Variants in KL observed in about 807,000 individuals in gnomAD.
KL encodes klotho, also known as alpha-klotho.
A neutral mutation model predicts 84.2 loss-of-function variants in KL; 62 were observed. The ratio of observed to expected loss-of-function variants is 0.74; its 90% CI spans 0.60 to 0.91. The LOEUF is 0.91. KL is among the 40% of genes least tolerant of loss of function. The pLI, the probability that KL is intolerant of heterozygous loss-of-function variation, is 0.00. For synonymous variants in KL, 528 were observed against 528.0 expected (o/e 1.00, Z 0.00); for missense variants, 1,261 against 1,305.7 (o/e 0.97, Z 0.53).
In KL at chr13:33,064,708, C is replaced by T. The variant is rs1199286439; in HGVS notation, c.*522C>T. On this transcript the variant is annotated 3_prime_UTR_variant, in exon 5 of 5. Transcript: ENST00000380099. ...GATACAGGAGAGACGACAGAGGGTCCTAGGCTGGAATGTTCCTTTCGAAAG... is the reference window on the plus strand; with the variant it reads ...GATACAGGAGAGACGACAGAGGGTCTTAGGCTGGAATGTTCCTTTCGAAAG... 8.8e-6 allele frequency: 2 copies of T among 227,750 alleles called. No homozygotes were observed. The highest frequency in any genetic ancestry group is 1.7e-5 in the Non-Finnish European group (2 of 114,932). 14.1% of individuals were successfully genotyped at this position (227,750 alleles called of 1,614,324 possible). A position where few individuals can be genotyped will look rare whatever the true frequency, so the allele number is the denominator to read the frequency against.
rs746580672 is a variant in KL at position 33,053,850 on chromosome 13, C to T, written c.903C>T (p.His301=). Residue 301 remains histidine, a synonymous_variant, in exon 2 of 5, where the codon CAC becomes CAT. Transcript: ENST00000380099. ...GGQVSIALSS[H]WINPRRMTDH... ...AGGTGTCCATTGCCCTAAGCTCTCA[C>T]TGGATCAATCCTCGAAGAATGACCG... 6.2e-7 allele frequency: 1 copy of T among 1,614,176 alleles called. No homozygotes were observed. Among genetic ancestry groups the T allele is most frequent in the East Asian group, 2.2e-5 (1 of 44,884 alleles).
Position 33,064,718 on chromosome 13 carries a change from A to G in KL, c.*532A>G, listed in dbSNP as rs1255007507. 4.4e-6 allele frequency: 1 copy of G among 225,320 alleles called. No individual in the cohort carries two copies. Among genetic ancestry groups the G allele is most frequent in the Non-Finnish European group, 8.8e-6 (1 of 113,198 alleles). The allele number at this position is 225,320 out of a possible 1,614,324, so 14.0% of individuals were successfully genotyped here. ...AGACGACAGAGGGTCCTAGGCTGGA[A>G]TGTTCCTTTCGAAAGCAATGCTTCT... On this transcript the variant is annotated 3_prime_UTR_variant, in exon 5 of 5. Coordinates refer to ENST00000380099, the MANE Select transcript of KL (RefSeq NM_004795.4).
chr13:33,050,354 A>G (rs1394882497), intron 1 of KL, among the ~76,000 whole-genome samples: 3 of 152,216 alleles, frequency 2.0e-5, no homozygotes, highest in African/African-American at 7.2e-5. Context: ...TTGTTGCAAC[A>G]TCCTAAATAG....
chr13:33,025,099 G>C (rs981968768), intron 1 of KL, among the ~76,000 whole-genome samples: 17 of 152,190 alleles, frequency 1.1e-4, no homozygotes, highest in African/African-American at 4.1e-4. Flanking sequence ...TCACAGATTA[G>C]TAGGGGAGAG....
In KL at chr13:33,017,060, G is replaced by C; in HGVS notation, c.620G>C (p.Trp207Ser). The change falls in exon 1 of 5, where the codon TGG becomes TCG. Residue 207 changes from tryptophan (W) to serine (S), a missense_variant. Transcript: ENST00000380099. ...CGCCTGCAGGACGCCTACGGCGGCT[G>C]GGCCAACCGCGCCCTGGCCGACCAC... is the stretch of plus-strand genomic sequence containing the variant. ...PQRLQDAYGG[W>S]ANRALADHFR... The C allele has an allele frequency of 6.2e-7, 1 of 1,601,614 alleles. No homozygotes were observed. The highest frequency in any genetic ancestry group is 8.5e-7 in the Non-Finnish European group (1 of 1,178,166).
intron 4 of KL, among the ~76,000 whole-genome samples, chr13:33,063,314 G>C (rs2138246554): frequency 6.6e-6 from 1 of 151,442 alleles, no homozygotes; most frequent in East Asian, 2.0e-4. Context: ...AGGACAGGCA[G>C]ACCTGATCCA....
chr13:33,060,145 G>A (rs536975), intron 3 of KL, among the ~76,000 whole-genome samples: 149,726 of 152,168 alleles, frequency 0.98, 73,708 homozygotes, highest in South Asian at 1. Context: ...GGGTTTGGAC[G>A]TGTTGCCCCA....
intron 4 of KL, 57 bp from the exon 5 acceptor site, chr13:33,063,792 T>C (rs1048718821): frequency 6.8e-6 from 9 of 1,314,378 alleles, no homozygotes; most frequent in South Asian, 2.6e-5. Flanking sequence ...AAAAAAAAAG[T>C]GATGTGTTGT....
Position 33,064,683 on chromosome 13 carries a change from G to A in KL, c.*497G>A, listed in dbSNP as rs1402106131. On this transcript the variant is annotated 3_prime_UTR_variant, in exon 5 of 5. Transcript: ENST00000380099. Reference sequence around the variant, plus strand: ...GTTTCCTATGGAAAAGAAGATGGCAGATACAGGAGAGACGACAGAGGGTCC... The same window carrying A: ...GTTTCCTATGGAAAAGAAGATGGCAAATACAGGAGAGACGACAGAGGGTCC... 1 of 233,530 alleles carries A rather than the reference G, an allele frequency of 4.3e-6. No individual in the cohort carries two copies. Among genetic ancestry groups the A allele is most frequent in the African/African-American group, 2.2e-5 (1 of 44,984 alleles). The allele number at this position is 233,530 out of a possible 1,614,324, so 14.5% of individuals were successfully genotyped here.
chr13:33,028,074 T>C (rs937694399), intron 1 of KL, among the ~76,000 whole-genome samples: 5 of 152,214 alleles, frequency 3.3e-5, no homozygotes, highest in Non-Finnish European at 7.3e-5. Flanking sequence ...GGGGACGCCT[T>C]GAGCCAATGT....
chr13:33,044,722 C>T lies in KL; in HGVS notation c.820-9045C>T, dbSNP rs1170339963. On this transcript the variant is annotated intron_variant, in intron 1 of 4. Transcript: ENST00000380099. Reference sequence around the variant, plus strand: ...CTGGAGTGCAGTGGCGTGATCAGCACTCACTGCAGACTTGAACTCCTGGGC... The same window carrying T: ...CTGGAGTGCAGTGGCGTGATCAGCATTCACTGCAGACTTGAACTCCTGGGC... Among the ~76,000 whole-genome samples the T allele has an allele frequency of 5.4e-5, 7 of 130,256 alleles. No homozygotes were observed. In the Admixed American group the frequency reaches 7.0e-4, roughly 13 times the overall value. 85.5% of individuals were successfully genotyped at this position (130,256 alleles called of 152,430 possible).
At chr13:33,044,640 CTTTTTTTTTTTTTT>C (rs71071071) in intron 1 of KL, among the ~76,000 whole-genome samples, 1 of 52,750 alleles carries the variant, frequency 1.9e-5, no homozygotes, top group Non-Finnish European at 3.2e-5. Context: ...AATTGATTTT[CTTTTTTTTTTTTTT>C]TTTTTTTTTT....
intron 1 of KL, among the ~76,000 whole-genome samples, chr13:33,040,735 A>G (rs938227645): frequency 1.3e-5 from 2 of 152,202 alleles, no homozygotes; most frequent in Admixed American, 6.5e-5. Flanking sequence ...GATTGGTGAT[A>G]CCATCCATGT....
chr13:33,017,665 CTG>C (rs1404383448), intron 1 of KL, among the ~76,000 whole-genome samples: 1 of 152,216 alleles, frequency 6.6e-6, no homozygotes, highest in African/African-American at 2.4e-5. Flanking sequence ...GCATTACTCT[CTG>C]GAGCTGTCAC....
At chr13:33,036,211 A>G (rs1343007770) in intron 1 of KL, among the ~76,000 whole-genome samples, 1 of 152,210 alleles carries the variant, frequency 6.6e-6, no homozygotes, top group East Asian at 1.9e-4. Flanking sequence ...TTAAGGAAGA[A>G]AAGGGACTTT....
chr13:33,030,626 A>G (rs1401453297), intron 1 of KL, among the ~76,000 whole-genome samples: 1 of 152,196 alleles, frequency 6.6e-6, no homozygotes, highest in Non-Finnish European at 1.5e-5. Context: ...TCCTGCAATA[A>G]TCAGGAACCC....
At chr13:33,045,204 C>G (rs1410233056) in intron 1 of KL, among the ~76,000 whole-genome samples, 1 of 151,944 alleles carries the variant, frequency 6.6e-6, no homozygotes, top group African/African-American at 2.4e-5. Flanking sequence ...GATCTTGTAC[C>G]TTGCAATTTT....
Position 33,055,251 on chromosome 13 carries a change from A to G in KL, c.1535A>G (p.Asn512Ser). ...EKNGFPPLPENQPLEGTFPCD... is the reference protein window; with the variant it reads ...EKNGFPPLPESQPLEGTFPCD... The stretch of plus-strand genomic sequence containing the variant: ...AATGGCTTCCCTCCTTTACCTGAAA[A>G]TCAGCCCCTAGAAGGGACATTTCCC... The change falls in exon 3 of 5, where the codon AAT (asparagine) becomes AGT (serine). Residue 512 changes from asparagine to serine, a missense_variant. Physicochemically the swap from Asn to Ser is conservative, Grantham distance 46 (BLOSUM62 1). Coordinates refer to ENST00000380099, the MANE Select transcript of KL (RefSeq NM_004795.4). 6.2e-7 allele frequency: 1 copy of G among 1,614,202 alleles called. No homozygotes were observed. The highest frequency in any genetic ancestry group is 8.5e-7 in the Non-Finnish European group (1 of 1,180,028).
At chr13:33,033,651 C>T (rs1399272220) in intron 1 of KL, among the ~76,000 whole-genome samples, 4 of 152,048 alleles carry the variant, frequency 2.6e-5, no homozygotes, top group African/African-American at 7.2e-5. Flanking sequence ...AAAGGAGGCA[C>T]ACCTCTAACC....
Sources: allele counts gnomAD v4.1 joint callset (sites outside exome capture counted in the v4.1 genomes callset), GRCh38; gene constraint gnomAD v4.1.1; transcripts MANE v1.5; gene names NCBI Gene and HGNC (gene_info 2026-07-23, HGNC 2026-07-21).